Variants in ERBB4 observed in about 807,000 individuals in gnomAD.
The protein encoded by ERBB4 is erb-b2 receptor tyrosine kinase 4.
In ERBB4, 42 loss-of-function variants were observed where a neutral mutation model predicts 158.0. That is an observed-to-expected ratio of 0.27 (90% CI 0.21 to 0.34). The LOEUF is 0.34. Among genes scored for constraint, ERBB4 ranks in the 10% least tolerant of loss-of-function variants. The pLI is 1.00. For synonymous variants in ERBB4, 583 were observed against 558.7 expected (o/e 1.04, Z -0.61); for missense variants, 1,333 against 1,624.1 (o/e 0.82, Z 3.08).
intron 1 of ERBB4, among the ~76,000 whole-genome samples, chr2:212,155,074 A>G (rs2080992049): frequency 6.6e-6 from 1 of 152,140 alleles, no homozygotes; most frequent in Admixed American, 6.6e-5. Context: ...AAATGATTTC[A>G]ATGTCACAGG....
chr2:212,446,610 T>TATGTATATATATATATATATATATAC (rs2092359368), intron 1 of ERBB4, among the ~76,000 whole-genome samples: 1 of 47,060 alleles, frequency 2.1e-5, no homozygotes, highest in Non-Finnish European at 4.9e-5. Context: ...TATATATATA[T>TATGTATATATATATATATATATATAC]ATATATATAT....
At chr2:212,106,766 AG>A (rs1427651654) in intron 2 of ERBB4, among the ~76,000 whole-genome samples, 1 of 152,174 alleles carries the variant, frequency 6.6e-6, no homozygotes, top group Non-Finnish European at 1.5e-5. Flanking sequence ...TGTGCAGTCT[AG>A]GGACTTGGTG....
intron 1 of ERBB4, among the ~76,000 whole-genome samples, chr2:212,458,214 CA>C: frequency 6.6e-6 from 1 of 151,864 alleles, no homozygotes; most frequent in East Asian, 1.9e-4. Flanking sequence ...ATGATTACGA[CA>C]AAAAACTGTA....
chr2:211,457,210 G>A (rs187622787), intron 20 of ERBB4, among the ~76,000 whole-genome samples: 3 of 152,126 alleles, frequency 2.0e-5, no homozygotes, highest in East Asian at 3.9e-4. Flanking sequence ...TGTGATGCAC[G>A]GCCAATACAT....
chr2:212,280,265 A>AT (rs1268465993), intron 1 of ERBB4, among the ~76,000 whole-genome samples: 3 of 151,504 alleles, frequency 2.0e-5, no homozygotes, highest in South Asian at 2.1e-4. Context: ...ATATTCATTA[A>AT]TTTTTTCCTG....
chr2:211,918,484 T>G (rs1285886726), intron 3 of ERBB4, among the ~76,000 whole-genome samples: 1 of 152,128 alleles, frequency 6.6e-6, no homozygotes, highest in East Asian at 1.9e-4. Flanking sequence ...CACCAGAGTT[T>G]AAAGTTGGAG....
chr2:212,251,830 T>G (rs192636671), intron 1 of ERBB4, among the ~76,000 whole-genome samples: 2 of 152,010 alleles, frequency 1.3e-5, no homozygotes, highest in Admixed American at 1.3e-4. Flanking sequence ...CAAAAAGATA[T>G]AGGAAGCCAT....
chr2:211,799,411 G>A (rs760829340), intron 3 of ERBB4, among the ~76,000 whole-genome samples: 4 of 151,936 alleles, frequency 2.6e-5, no homozygotes, highest in Non-Finnish European at 4.4e-5. Context: ...TAAAATCTTT[G>A]CGGATCTTTG....
intron 18 of ERBB4, among the ~76,000 whole-genome samples, chr2:211,623,108 C>T (rs1297712713): frequency 7.5e-6 from 1 of 132,584 alleles, no homozygotes; most frequent in East Asian, 2.5e-4. Context: ...TCAGCATTTG[C>T]CCAGAAGAGT....
chr2:211,924,390 G>A (rs913710907), intron 3 of ERBB4, among the ~76,000 whole-genome samples: 1 of 151,844 alleles, frequency 6.6e-6, no homozygotes, highest in African/African-American at 2.4e-5. Flanking sequence ...TTGGGTGATG[G>A]GTGCCCTAAA....
chr2:211,897,391 A>G (rs1335420087), intron 3 of ERBB4, among the ~76,000 whole-genome samples: 1 of 151,842 alleles, frequency 6.6e-6, no homozygotes, highest in Non-Finnish European at 1.5e-5. Context: ...ATAATGATGC[A>G]TATGAAGGGC....
intron 5 of ERBB4, among the ~76,000 whole-genome samples, chr2:211,747,914 T>A (rs1399794400): frequency 6.6e-6 from 1 of 151,922 alleles, no homozygotes; most frequent in Non-Finnish European, 1.5e-5. Flanking sequence ...GATGTTCACT[T>A]CCCTTATATG....
At chr2:212,135,631 T>C (rs2080248622) in intron 1 of ERBB4, among the ~76,000 whole-genome samples, 1 of 152,190 alleles carries the variant, frequency 6.6e-6, no homozygotes, top group Non-Finnish European at 1.5e-5. Flanking sequence ...CATACTTGGA[T>C]GAAATAATAA....
chr2:212,457,063 T>G (rs903322274), intron 1 of ERBB4, among the ~76,000 whole-genome samples: 1 of 151,980 alleles, frequency 6.6e-6, no homozygotes, highest in Non-Finnish European at 1.5e-5. Context: ...TATGCCAACT[T>G]GAAATGGTAA....
chr2:212,231,341 T>G (rs2083659312), intron 1 of ERBB4, among the ~76,000 whole-genome samples: 1 of 152,216 alleles, frequency 6.6e-6, no homozygotes, highest in Admixed American at 6.5e-5. Flanking sequence ...TTGACATGTT[T>G]TAAGTCATTT....
chr2:211,647,929 C>T (rs1389450469), intron 16 of ERBB4, among the ~76,000 whole-genome samples: 2 of 151,698 alleles, frequency 1.3e-5, no homozygotes, highest in African/African-American at 2.4e-5. Flanking sequence ...TCTCAATTTC[C>T]TTTGCCGTAC....
At chr2:212,166,853 A>T (rs2081360868) in intron 1 of ERBB4, among the ~76,000 whole-genome samples, 1 of 152,190 alleles carries the variant, frequency 6.6e-6, no homozygotes, top group Non-Finnish European at 1.5e-5. Flanking sequence ...ATGATCTCCT[A>T]TTCCATAAAT....
At chr2:211,468,395 C>T (rs1171438822) in intron 20 of ERBB4, among the ~76,000 whole-genome samples, 1 of 152,116 alleles carries the variant, frequency 6.6e-6, no homozygotes, top group Non-Finnish European at 1.5e-5. Context: ...GATGACTATG[C>T]CAACCCATCC....
chr2:212,292,441 C>T (rs1446430775), intron 1 of ERBB4, among the ~76,000 whole-genome samples: 1 of 151,858 alleles, frequency 6.6e-6, no homozygotes, highest in Admixed American at 6.6e-5. Flanking sequence ...CTACCAATTT[C>T]CAGAATTAAT....
Sources: gnomAD v4.1 joint callset for allele counts (sites outside exome capture counted in the v4.1 genomes callset) on GRCh38, gnomAD v4.1.1 for gene constraint, MANE v1.5 for transcripts, NCBI Gene and HGNC (gene_info 2026-07-23, HGNC 2026-07-21) for gene names.